RET: variants seen among roughly 807,000 people sequenced by gnomAD.
RET encodes proto-oncogene tyrosine-protein kinase receptor Ret.
A neutral mutation model predicts 118.3 loss-of-function variants in RET; 19 were observed. That is an observed-to-expected ratio of 0.16 (90% confidence interval 0.11 to 0.24). RET has a LOEUF of 0.24. Ranked by LOEUF, RET falls within the 10% of genes least tolerant of loss-of-function variation. The pLI, the probability that RET is intolerant of heterozygous loss-of-function variation, is 1.00. For missense variants in RET, 1,219 were observed against 1,502.1 expected, an observed-to-expected ratio of 0.81 and a Z score of 3.12; for synonymous variants, 597 against 644.1, an observed-to-expected ratio of 0.93 and a Z score of 1.11.
At chr10:43,111,956 T>A (rs1342657908) in intron 7 of RET, 143 bp from the exon 8 acceptor site, 1 of 1,218,696 alleles carries the variant, frequency 8.2e-7, no homozygotes, top group Non-Finnish European at 1.2e-6. Context: ...TGGCACTGTC[T>A]TTGCTGCCCT....
At chr10:43,077,408 A>C in intron 1 of RET, 77 bp downstream of exon 1, 1 of 1,449,964 alleles carries the variant, frequency 6.9e-7, no homozygotes, top group Non-Finnish European at 9.1e-7. Flanking sequence ...GCGCGTTCAG[A>C]AGCGCCTTTC....
rs1455811661 is a variant in RET at position 43,106,984 on chromosome 10, T to C, written c.1063+413T>C. 6.6e-6 allele frequency among the ~76,000 whole-genome samples: 1 copy of C among 152,170 alleles called. No homozygotes were observed. The highest frequency in any genetic ancestry group is 1.5e-5 in the Non-Finnish European group (1 of 68,034). ...AGCAGCTCTCTGCTAAACAGGCTGG[T>C]GTACAGAAGCAGCCCCGAGCCAGGT... On this transcript the variant is annotated intron_variant, in intron 5 of 19. Transcript: ENST00000355710. The surrounding 1 kb of genome is among the most constrained non-coding windows in gnomAD (Gnocchi z 5.1).
chr10:43,078,304 C>T (rs1209215279), intron 1 of RET, among the ~76,000 whole-genome samples: 2 of 152,214 alleles, frequency 1.3e-5, no homozygotes, highest in African/African-American at 4.8e-5. Flanking sequence ...CCTGGCCATC[C>T]TCCCTCACTC....
chr10:43,092,933 T>C (rs752977), intron 1 of RET, among the ~76,000 whole-genome samples: 119,445 of 152,188 alleles, frequency 0.78, 47,929 homozygotes, highest in African/African-American at 0.95. Context: ...CTCCCCGTCC[T>C]CTTACTCCCT....
intron 3 of RET, 133 bp from the exon 4 acceptor site, chr10:43,104,814 CTGTGG>C: frequency 7.5e-7 from 1 of 1,330,828 alleles, no homozygotes; most frequent in South Asian, 1.4e-5. Flanking sequence ...CTGCCCTCCC[CTGTGG>C]AGCGGAGGAG....
At chr10:43,125,600 A>G (rs1838312373) in intron 18 of RET, among the ~76,000 whole-genome samples, 1 of 152,214 alleles carries the variant, frequency 6.6e-6, no homozygotes, top group South Asian at 2.1e-4. Flanking sequence ...TGTGCCTGGA[A>G]GTACAGTTTG....
chr10:43,117,390 T>C (rs1838097395), intron 12 of RET, among the ~76,000 whole-genome samples: 1 of 152,186 alleles, frequency 6.6e-6, no homozygotes, highest in Non-Finnish European at 1.5e-5. Context: ...AACCCCGGAC[T>C]CTCCAGGGGC....
At chr10:43,107,175 G>C (rs1837800776) in intron 5 of RET, among the ~76,000 whole-genome samples, 1 of 152,202 alleles carries the variant, frequency 6.6e-6, no homozygotes. Context: ...TTTGGGGTCT[G>C]TGTCTGGTGG....
chr10:43,095,581 C>G (rs1287373798), intron 1 of RET, among the ~76,000 whole-genome samples: 1 of 152,220 alleles, frequency 6.6e-6, no homozygotes, highest in Non-Finnish European at 1.5e-5. Flanking sequence ...ATTTAAACAG[C>G]CCAGCCACGT....
At chr10:43,127,456 G>C in intron 19 of RET, 1 of 1,047,356 alleles carries the variant, frequency 9.5e-7, no homozygotes. Context: ...AGTAAATATG[G>C]TTCTTGCCAA....
At position 43,129,834 on chromosome 10, in the gene RET, C is replaced by G. The variant is rs1345423928; in HGVS notation, c.*1565C>G. On this transcript the variant is annotated 3_prime_UTR_variant, in exon 20 of 20. Transcript: ENST00000355710. ...GAAAAATGCTTATTGGACACGTAAC[C>G]TGGCTCTAATTTGGGCTGTTTTTCA... The G allele has an allele frequency of 1.0e-5, 4 of 396,080 alleles. No homozygotes were observed. Among genetic ancestry groups the G allele is most frequent in the Non-Finnish European group, 1.8e-5 (4 of 224,858 alleles). The allele number at this position is 396,080 out of a possible 1,614,324, so 24.5% of individuals were successfully genotyped here.
intron 16 of RET, 126 bp from the exon 17 acceptor site, chr10:43,123,545 T>G: frequency 6.3e-6 from 8 of 1,260,984 alleles, no homozygotes; most frequent in African/African-American, 1.5e-5. Flanking sequence ...CTGACATCTG[T>G]GAGCATCTGT....
intron 2 of RET, among the ~76,000 whole-genome samples, chr10:43,101,247 G>T (rs1198430175): frequency 1.3e-5 from 2 of 151,918 alleles, no homozygotes; most frequent in African/African-American, 2.4e-5. Flanking sequence ...AATGGGAGGG[G>T]TGGGGGGGAA....
intron 2 of RET, 120 bp from the exon 3 acceptor site, chr10:43,102,222 C>T (rs1262748379): frequency 1.6e-6 from 2 of 1,287,256 alleles, no homozygotes; most frequent in Non-Finnish European, 2.2e-6. Flanking sequence ...CCAGTCTGAG[C>T]CTTGTGGACC....
At chr10:43,102,299 C>G in intron 2 of RET, 43 bp from the exon 3 acceptor site, 9 of 1,609,930 alleles carry the variant, frequency 5.6e-6, no homozygotes, top group Non-Finnish European at 6.8e-6. Context: ...GACTGCCTGG[C>G]AGATGTGGCC....
At chr10:43,116,501 CT>C in intron 11 of RET, 82 bp from the exon 12 acceptor site, 1 of 1,547,258 alleles carries the variant, frequency 6.5e-7, no homozygotes, top group East Asian at 2.2e-5. Flanking sequence ...ATGGGGCCTC[CT>C]TTAAGGGTCT....
chr10:43,106,471 G>T lies in RET; in HGVS notation c.963G>T (p.Gly321=). 1 of 1,613,572 alleles carries T rather than the reference G, an allele frequency of 6.2e-7. No homozygotes were observed. The highest frequency in any genetic ancestry group is 2.2e-5 in the East Asian group (1 of 44,860). Residue 321 remains glycine, a synonymous_variant, in exon 5 of 20, where the codon GGG becomes GGT. Coordinates refer to ENST00000355710, the MANE Select transcript of RET (RefSeq NM_020975.6). This position sits in a 1 kb window ranked among gnomAD's most constrained non-coding sequence, Gnocchi z 5.1. ...GGTACACAAGCACGCTGCTCCCCGG[G>T]GACACCTGGGCCCAGCAGACCTTCC... ...VRRYTSTLLP[G]DTWAQQTFRV...
chr10:43,124,990 C>A lies in RET; in HGVS notation c.3039+8C>A. On this transcript the variant is annotated splice_region_variant and intron_variant, in intron 18 of 19. Coordinates refer to ENST00000355710, the MANE Select transcript of RET (RefSeq NM_020975.6). ...ATGATGGTTAAGAGGAGAGTGAGTG[C>A]CTGGGTCCAATTCCCACAAGCTGAA... The A allele has an allele frequency of 6.2e-7, 1 of 1,613,514 alleles. No homozygotes were observed. The highest frequency in any genetic ancestry group is 8.5e-7 in the Non-Finnish European group (1 of 1,179,488).
chr10:43,082,156 A>AGGCAG (rs1274209014), intron 1 of RET, among the ~76,000 whole-genome samples: 1 of 152,158 alleles, frequency 6.6e-6, no homozygotes, highest in Admixed American at 6.5e-5. Context: ...CTGAGACTGC[A>AGGCAG]GGCAGGGCAG....
Sources: gnomAD v4.1 joint callset for allele counts (sites outside exome capture counted in the v4.1 genomes callset) on GRCh38, gnomAD v4.1.1 for gene constraint, Gnocchi (gnomAD v3.1) non-coding constraint, MANE v1.5 for transcripts, NCBI Gene and HGNC (gene_info 2026-07-23, HGNC 2026-07-21) for gene names.